MYZAP: variants seen among roughly 807,000 people sequenced by gnomAD.
MYZAP encodes myocardial zonula adherens protein.
In MYZAP, 66 loss-of-function variants were observed where a neutral mutation model predicts 69.4. The observed-to-expected ratio is 0.95, with a 90% CI of 0.78 to 1.17. The LOEUF is 1.17. Among genes scored for constraint, MYZAP ranks in the 50% most tolerant of loss-of-function variants. The pLI is 0.00. For missense variants in MYZAP, 611 were observed against 556.2 expected (o/e 1.10, Z -0.99); for synonymous variants, 256 against 205.9 (o/e 1.24, Z -2.09).
chr15:57,603,972 C>T (rs1399101939), intron 1 of MYZAP, among the ~76,000 whole-genome samples: 1 of 152,172 alleles, frequency 6.6e-6, no homozygotes, highest in African/African-American at 2.4e-5. Flanking sequence ...GAAATGAGAT[C>T]ATTCTATACA....
At chr15:57,680,097 A>C (rs1415839418) in intron 12 of MYZAP, among the ~76,000 whole-genome samples, 1 of 152,188 alleles carries the variant, frequency 6.6e-6, no homozygotes, top group African/African-American at 2.4e-5. Flanking sequence ...GATTAAGGGA[A>C]GTAACAGGCA....
At chr15:57,633,548 T>C in intron 7 of MYZAP, 65 bp from the exon 8 acceptor site, 1 of 1,542,652 alleles carries the variant, frequency 6.5e-7, no homozygotes, top group Non-Finnish European at 8.7e-7. Flanking sequence ...CCTGAGCTGA[T>C]TGGATCCCGG....
At chr15:57,646,174 G>T (rs192181406) in intron 10 of MYZAP, 2 of 1,289,304 alleles carry the variant, frequency 1.6e-6, no homozygotes, top group Non-Finnish European at 1.0e-6. Context: ...TTTAGTCTCC[G>T]GCTCTTTGGA....
chr15:57,604,417 C>G (rs1455562210), intron 2 of MYZAP, 62 bp downstream of exon 2: 1 of 1,583,018 alleles, frequency 6.3e-7, no homozygotes, highest in African/African-American at 1.3e-5. Context: ...AACCCACTCT[C>G]CCATCTCCTA....
At chr15:57,616,636 A>G in intron 2 of MYZAP, among the ~76,000 whole-genome samples, 1 of 151,864 alleles carries the variant, frequency 6.6e-6, no homozygotes, top group Non-Finnish European at 1.5e-5. Context: ...CTCTGTCTCA[A>G]AAACAAACAA....
intron 1 of MYZAP, among the ~76,000 whole-genome samples, chr15:57,603,311 CT>C (rs11383185): frequency 0.012 from 1,819 of 150,020 alleles, 21 homozygotes; most frequent in Non-Finnish European, 0.018. Context: ...GCAGGGACAG[CT>C]TTTTTTTTTA....
At chr15:57,637,650 A>G in intron 8 of MYZAP, 45 bp from the exon 9 acceptor site, 2 of 1,595,010 alleles carry the variant, frequency 1.3e-6, no homozygotes, top group Non-Finnish European at 1.7e-6. Context: ...TTCTCTGTCA[A>G]ACTTGGGATC....
Position 57,591,990 on chromosome 15 carries a change from G to T in MYZAP, c.-45G>T, listed in dbSNP as rs923162948. On this transcript the variant is annotated 5_prime_UTR_variant, in exon 1 of 13. Transcript: ENST00000267853. The stretch of plus-strand genomic sequence containing the variant: ...CGGGCCCCGCACGCTTATTCTGCCC[G>T]GGAGGAACGCCGGCGTCCAGCCCGC... The T allele has an allele frequency of 2.3e-5, 33 of 1,405,190 alleles. No homozygotes were observed. Among genetic ancestry groups the T allele is most frequent in the Non-Finnish European group, 2.7e-5 (29 of 1,082,462 alleles). The allele number at this position is 1,405,190 out of a possible 1,614,324, so 87.0% of individuals were successfully genotyped here.
At chr15:57,623,358 G>A (rs2035933898) in intron 4 of MYZAP, among the ~76,000 whole-genome samples, 1 of 152,220 alleles carries the variant, frequency 6.6e-6, no homozygotes, top group East Asian at 1.9e-4. Context: ...TCTCACATAT[G>A]AGGAAAGACA....
At chr15:57,651,624 A>G (rs1461298493) in intron 10 of MYZAP, among the ~76,000 whole-genome samples, 2 of 152,206 alleles carry the variant, frequency 1.3e-5, no homozygotes, top group African/African-American at 4.8e-5. Context: ...TTGGGTCGTA[A>G]TATCAGCCCT....
At chr15:57,642,048 G>A (rs1055831495) in intron 10 of MYZAP, among the ~76,000 whole-genome samples, 3 of 152,196 alleles carry the variant, frequency 2.0e-5, no homozygotes, top group African/African-American at 7.2e-5. Context: ...GAGGCAAATT[G>A]CAGCTCTTCA....
chr15:57,627,312 G>A (rs879683933), intron 5 of MYZAP, among the ~76,000 whole-genome samples: 7 of 147,888 alleles, frequency 4.7e-5, no homozygotes, highest in Non-Finnish European at 8.9e-5. Context: ...GTCCTGGACA[G>A]CCAAAGGAGC....
intron 2 of MYZAP, among the ~76,000 whole-genome samples, chr15:57,609,642 G>T (rs1326817536): frequency 6.6e-6 from 1 of 152,160 alleles, no homozygotes; most frequent in Non-Finnish European, 1.5e-5. Flanking sequence ...GTTCTTTGAG[G>T]AAATCACCTT....
intron 8 of MYZAP, among the ~76,000 whole-genome samples, 174 bp from the exon 9 acceptor site, chr15:57,637,521 T>A (rs1281436928): frequency 2.0e-5 from 3 of 152,216 alleles, no homozygotes; most frequent in African/African-American, 7.2e-5. Context: ...TATCTATAAA[T>A]ACACAACAAC....
intron 1 of MYZAP, among the ~76,000 whole-genome samples, chr15:57,592,947 T>G (rs1352932510): frequency 6.6e-6 from 1 of 152,156 alleles, no homozygotes; most frequent in Non-Finnish European, 1.5e-5. Flanking sequence ...TAATCGTGTT[T>G]CCTCAAGATT....
intron 10 of MYZAP, among the ~76,000 whole-genome samples, chr15:57,650,007 G>A (rs527674779): frequency 3.3e-5 from 5 of 152,302 alleles, no homozygotes; most frequent in African/African-American, 1.2e-4. Flanking sequence ...TCTAACACCT[G>A]GGATAGTCAC....
intron 1 of MYZAP, among the ~76,000 whole-genome samples, chr15:57,593,138 G>A (rs1464544387): frequency 8.5e-6 from 1 of 118,338 alleles, no homozygotes; most frequent in Non-Finnish European, 1.8e-5. Context: ...ATGGATTCTG[G>A]GGTGTGTGTG....
At chr15:57,616,614 G>A (rs1027956705) in intron 2 of MYZAP, among the ~76,000 whole-genome samples, 4 of 151,720 alleles carry the variant, frequency 2.6e-5, no homozygotes, top group African/African-American at 4.8e-5. Flanking sequence ...CCAACCTGGC[G>A]AGAGAGTGAG....
intron 1 of MYZAP, among the ~76,000 whole-genome samples, chr15:57,593,888 G>C (rs2033884194): frequency 6.6e-6 from 1 of 152,192 alleles, no homozygotes. Context: ...GATTGTGTGT[G>C]TGGTGGGAAG....
Sources: allele counts gnomAD v4.1 joint callset (sites outside exome capture counted in the v4.1 genomes callset), GRCh38; gene constraint gnomAD v4.1.1; transcripts MANE v1.5; gene names NCBI Gene and HGNC (gene_info 2026-07-23, HGNC 2026-07-21).